The following KCNQ1 variants were observed in gnomAD, a reference collection of about 807,000 sequenced individuals.
KCNQ1 encodes potassium voltage-gated channel subfamily KQT member 1.
Under a neutral mutation model 72.4 loss-of-function variants are expected in KCNQ1, and 49 were observed. The observed-to-expected ratio is 0.68, with a 90% CI of 0.54 to 0.86. The LOEUF (loss-of-function observed/expected upper bound fraction) is 0.86, where lower values mean the gene tolerates loss of function less well. Ranked by LOEUF, KCNQ1 falls within the 40% of genes least tolerant of loss-of-function variation. The pLI, the probability that KCNQ1 is intolerant of heterozygous loss-of-function variation, is 0.00. For synonymous variants in KCNQ1, 450 were observed against 412.6 expected (o/e 1.09, Z -1.10); for missense variants, 790 against 945.1 (o/e 0.84, Z 2.15).
At chr11:2,805,795 C>A (rs928055063) in intron 15 of KCNQ1, among the ~76,000 whole-genome samples, 1 of 152,152 alleles carries the variant, frequency 6.6e-6, no homozygotes, top group Non-Finnish European at 1.5e-5. Flanking sequence ...AAGTATGAGC[C>A]GGTTCCCTGC....
At chr11:2,692,604 T>G (rs778218265) in intron 11 of KCNQ1, 2 of 398,604 alleles carry the variant, frequency 5.0e-6, no homozygotes, top group Middle Eastern at 6.2e-4. Flanking sequence ...TTCCAGTGGG[T>G]TCCTGCTATA....
Position 2,653,452 on chromosome 11 carries a change from G to A in KCNQ1, c.1394-8509G>A, listed in dbSNP as rs1044364080. ...TTAAGCACAAAAGGGACATTTTTTG[G>A]CTCACACAGCTGGACCCAGCTGTTT... On this transcript the variant is annotated intron_variant, in intron 10 of 15. Transcript: ENST00000155840. This position sits in a 1 kb window ranked among gnomAD's most constrained non-coding sequence, Gnocchi z 5.3. The A allele has an allele frequency of 2.3e-5, 9 of 398,376 alleles. No homozygotes were observed. The East Asian group carries it at 3.2e-4, about 14-fold the overall frequency. 24.7% of individuals were successfully genotyped at this position (398,376 alleles called of 1,614,324 possible). A position where few individuals can be genotyped will look rare whatever the true frequency, so the allele number is the denominator to read the frequency against.
chr11:2,699,032 C>T (rs558826552), intron 11 of KCNQ1: 14 of 398,622 alleles, frequency 3.5e-5, no homozygotes, highest in South Asian at 2.5e-4. Context: ...AGTGGATTTC[C>T]GACTCCGGTC....
intron 15 of KCNQ1, among the ~76,000 whole-genome samples, chr11:2,833,619 G>A (rs1038042685): frequency 2.6e-5 from 4 of 152,344 alleles, no homozygotes. Context: ...AGGCTTCCCC[G>A]CTTCACTCCA....
intron 15 of KCNQ1, 115 bp downstream of exon 15, chr11:2,778,152 C>A: frequency 9.8e-7 from 1 of 1,017,838 alleles, no homozygotes; most frequent in Non-Finnish European, 1.5e-6. Flanking sequence ...ACCTTCCCGC[C>A]AGTGCCTACT....
In KCNQ1 at chr11:2,644,951, C is replaced by T. The variant is rs528178905; in HGVS notation, c.1394-17010C>T. ...CCCCAGTGGCAGCAGTGGCTGGCCCCGAATGCTTATCCTTGGGCCCAATGG... is the reference window on the plus strand; with the variant it reads ...CCCCAGTGGCAGCAGTGGCTGGCCCTGAATGCTTATCCTTGGGCCCAATGG... On this transcript the variant is annotated intron_variant, in intron 10 of 15. Coordinates refer to ENST00000155840, the MANE Select transcript of KCNQ1 (RefSeq NM_000218.3). 17 of 398,574 alleles carry T rather than the reference C, an allele frequency of 4.3e-5. No individual in the cohort carries two copies. In the South Asian group the frequency reaches 8.9e-4, roughly 21 times the overall value. The allele number at this position is 398,574 out of a possible 1,614,324, so 24.7% of individuals were successfully genotyped here.
chr11:2,540,729 C>T (rs1228897687), intron 2 of KCNQ1, among the ~76,000 whole-genome samples: 16 of 152,230 alleles, frequency 1.1e-4, no homozygotes, highest in Admixed American at 7.8e-4. Flanking sequence ...TCCTCTGGGC[C>T]TCACAGCTTT....
rs568593761 is a variant in KCNQ1 at position 2,787,992 on chromosome 11, G to A, written c.1794+9955G>A. 1.2e-3 allele frequency among the ~76,000 whole-genome samples: 187 copies of A among 152,306 alleles called. No homozygotes were observed. The highest frequency in any genetic ancestry group is 4.3e-3 in the African/African-American group (180 of 41,560). On this transcript the variant is annotated intron_variant, in intron 15 of 15. Coordinates refer to ENST00000155840, the MANE Select transcript of KCNQ1 (RefSeq NM_000218.3). The surrounding 1 kb of genome is among the most constrained non-coding windows in gnomAD (Gnocchi z 6.3). ...CTGCTTTGGACGGGCATGGCCGTGC[G>A]CGCGTGTGGGGAGGTGAGTGTGGCT...
At chr11:2,616,963 GTT>G (rs35383069) in intron 10 of KCNQ1, 36 of 377,140 alleles carry the variant, frequency 9.5e-5, no homozygotes, top group South Asian at 4.0e-4. Context: ...ATCTTGTTGT[GTT>G]TTTTTTTTTT....
chr11:2,667,728 A>T, intron 11 of KCNQ1: 2 of 398,746 alleles, frequency 5.0e-6, no homozygotes, highest in Admixed American at 4.4e-5. Flanking sequence ...TGTCCCCTTA[A>T]GTGAGGGAGT....
At chr11:2,634,776 A>G (rs1450586836) in intron 10 of KCNQ1, 1 of 152,166 alleles carries the variant, frequency 6.6e-6, no homozygotes, top group African/African-American at 2.4e-5. Context: ...CAATGGTTGA[A>G]CTAGTTTACA....
intron 11 of KCNQ1, among the ~76,000 whole-genome samples, chr11:2,765,751 A>G (rs1174995712): frequency 6.6e-6 from 1 of 152,168 alleles, no homozygotes; most frequent in Non-Finnish European, 1.5e-5. Context: ...AAAGTCTGCT[A>G]TTGGTTTTCC....
At chr11:2,739,100 C>T (rs1189645150) in intron 11 of KCNQ1, among the ~76,000 whole-genome samples, 1 of 152,208 alleles carries the variant, frequency 6.6e-6, no homozygotes, top group Non-Finnish European at 1.5e-5. Flanking sequence ...CTGACATCCC[C>T]TGTCCTGGGG....
intron 15 of KCNQ1, among the ~76,000 whole-genome samples, chr11:2,819,832 A>G (rs163178): frequency 1 from 152,166 of 152,338 alleles, 75,997 homozygotes; most frequent in Middle Eastern, 1. Context: ...ATTTTCTACC[A>G]CATAAGCCAC....
In KCNQ1 at chr11:2,691,867, TC is replaced by T; in HGVS notation, c.1514+29788del. Reference sequence around the variant, plus strand: ...ACCCCTAGGTCCTCTTTTCCATCCCTCCAGTTCTCCTGGCTTTCTTGCCATC... The same window carrying T: ...ACCCCTAGGTCCTCTTTTCCATCCCTCAGTTCTCCTGGCTTTCTTGCCATC... On this transcript the variant is annotated intron_variant, in intron 11 of 15. Coordinates refer to ENST00000155840, the MANE Select transcript of KCNQ1 (RefSeq NM_000218.3). This position sits in a 1 kb window ranked among gnomAD's most constrained non-coding sequence, Gnocchi z 6.4. 1 of 398,718 alleles carries T rather than the reference TC, an allele frequency of 2.5e-6. No homozygotes were observed. The highest frequency in any genetic ancestry group is 4.4e-6 in the Non-Finnish European group (1 of 226,136). 24.7% of individuals were successfully genotyped at this position (398,718 alleles called of 1,614,324 possible).
Position 2,598,435 on chromosome 11 carries a change from G to A in KCNQ1, c.1393+9581G>A, listed in dbSNP as rs1848760412. Among the ~76,000 whole-genome samples, 1 of 152,050 alleles carries A rather than the reference G, an allele frequency of 6.6e-6. No individual in the cohort carries two copies. Among genetic ancestry groups the A allele is most frequent in the Non-Finnish European group, 1.5e-5 (1 of 68,016 alleles). On this transcript the variant is annotated intron_variant, in intron 10 of 15. Coordinates refer to ENST00000155840, the MANE Select transcript of KCNQ1 (RefSeq NM_000218.3). This position sits in a 1 kb window ranked among gnomAD's most constrained non-coding sequence, Gnocchi z 6.2. ...AAATGAAGATTTTCTTTGTCTCCAAGTATGAAAATAACATCATTATTTTTG... is the reference window on the plus strand; with the variant it reads ...AAATGAAGATTTTCTTTGTCTCCAAATATGAAAATAACATCATTATTTTTG...
intron 11 of KCNQ1, among the ~76,000 whole-genome samples, chr11:2,706,300 GC>G (rs1850910255): frequency 6.6e-6 from 1 of 152,236 alleles, no homozygotes. Flanking sequence ...GGGGAAGCCA[GC>G]CACCATGGTG....
Position 2,620,949 on chromosome 11 carries a change from T to G in KCNQ1, c.1393+32095T>G, listed in dbSNP as rs1422017085. 15 of 252,972 alleles carry G rather than the reference T, an allele frequency of 5.9e-5. No homozygotes were observed. Among genetic ancestry groups the G allele is most frequent in the Non-Finnish European group, 8.7e-5 (14 of 161,594 alleles). The allele number at this position is 252,972 out of a possible 1,614,324, so 15.7% of individuals were successfully genotyped here. A position where few individuals can be genotyped will look rare whatever the true frequency, so the allele number is the denominator to read the frequency against. ...TTTTTGTTGTTGTTGTTTTGTTTTGTTTTTTTTTGTCTGTTTTTTGCTTTT... is the reference window on the plus strand; with the variant it reads ...TTTTTGTTGTTGTTGTTTTGTTTTGGTTTTTTTTGTCTGTTTTTTGCTTTT... On this transcript the variant is annotated intron_variant, in intron 10 of 15. Coordinates refer to ENST00000155840, the MANE Select transcript of KCNQ1 (RefSeq NM_000218.3). The surrounding 1 kb of genome is among the most constrained non-coding windows in gnomAD (Gnocchi z 4.5).
intron 1 of KCNQ1, among the ~76,000 whole-genome samples, chr11:2,510,519 A>G (rs1847181799): frequency 6.6e-6 from 1 of 152,040 alleles, no homozygotes; most frequent in South Asian, 2.1e-4. Flanking sequence ...AGGTGGGAGG[A>G]TCACTTGAGC....
Sources: gnomAD v4.1 joint callset for allele counts (sites outside exome capture counted in the v4.1 genomes callset) on GRCh38, gnomAD v4.1.1 for gene constraint, Gnocchi (gnomAD v3.1) non-coding constraint, MANE v1.5 for transcripts, NCBI Gene and HGNC (gene_info 2026-07-23, HGNC 2026-07-21) for gene names.